TNFSF11: variants seen among roughly 807,000 people sequenced by gnomAD.
The protein encoded by TNFSF11 is TNF superfamily member 11, also known as tumor necrosis factor ligand superfamily member 11.
Under a neutral mutation model 32.2 loss-of-function variants are expected in TNFSF11, and 12 were observed. That is an observed-to-expected ratio of 0.37 (90% CI 0.24 to 0.60). The LOEUF (loss-of-function observed/expected upper bound fraction) is 0.60. TNFSF11 is among the 20% of genes least tolerant of loss of function. The pLI, the probability that TNFSF11 is intolerant of heterozygous loss-of-function variation, is 0.66. For synonymous variants in TNFSF11, 172 were observed against 152.1 expected, an observed-to-expected ratio of 1.13 and a Z score of -0.96; for missense variants, 345 against 398.0, an observed-to-expected ratio of 0.87 and a Z score of 1.13.
chr13:42,604,447 C>T (rs931273), intron 4 of TNFSF11, among the ~76,000 whole-genome samples: 18,873 of 152,194 alleles, frequency 0.12, 1,619 homozygotes, highest in East Asian at 0.29. Flanking sequence ...GTGATGACCC[C>T]GCTGCAGATA....
At chr13:42,605,728 T>A (rs1313428372) in intron 4 of TNFSF11, among the ~76,000 whole-genome samples, 1 of 152,236 alleles carries the variant, frequency 6.6e-6, no homozygotes, top group African/African-American at 2.4e-5. Context: ...TGTGAAGTTG[T>A]TAAGCTAGGG....
intron 2 of TNFSF11, among the ~76,000 whole-genome samples, chr13:42,593,910 C>T (rs2137891055): frequency 6.6e-6 from 1 of 152,256 alleles, no homozygotes; most frequent in East Asian, 1.9e-4. Flanking sequence ...CAAATTCCTT[C>T]TTCTGTGCTC....
rs527547571 is a variant in TNFSF11, at chr13:42,564,078, A to AT, written c.-302+1123dup. Among the ~76,000 whole-genome samples the AT allele has an allele frequency of 4.2e-3, 631 of 151,768 alleles. 15 individuals are homozygous for AT. The highest frequency in any genetic ancestry group is 1.9e-3 in the East Asian group (10 of 5,174). ...CTATTGAATTGGCTTTGAATTCACTATTTTTTTTATTATCCAGTCTGTTAT... is the reference window on the plus strand; with the variant it reads ...CTATTGAATTGGCTTTGAATTCACTATTTTTTTTTATTATCCAGTCTGTTAT... On this transcript the variant is annotated intron_variant, in intron 1 of 6. Coordinates refer to the TNFSF11 transcript ENST00000358545.
chr13:42,567,230 T>C (rs1455039125), intron 2 of TNFSF11, among the ~76,000 whole-genome samples: 1 of 152,180 alleles, frequency 6.6e-6, no homozygotes, highest in African/African-American at 2.4e-5. Flanking sequence ...CCTAATTAAT[T>C]TTTGTATTTC....
At chr13:42,567,731 C>T (rs1158049073) in intron 2 of TNFSF11, among the ~76,000 whole-genome samples, 1 of 152,214 alleles carries the variant, frequency 6.6e-6, no homozygotes, top group Non-Finnish European at 1.5e-5. Flanking sequence ...ATAAGACTGA[C>T]AGAATAGACT....
intron 2 of TNFSF11, among the ~76,000 whole-genome samples, chr13:42,586,314 C>T (rs1873897714): frequency 1.3e-5 from 2 of 152,192 alleles, no homozygotes; most frequent in African/African-American, 2.4e-5. Flanking sequence ...AACAAATGAT[C>T]AATGACTTAT....
At chr13:42,581,031 C>A (rs1873579862) in intron 1 of TNFSF11, 95 bp from the exon 2 acceptor site, 2 of 1,326,304 alleles carry the variant, frequency 1.5e-6, no homozygotes, top group Non-Finnish European at 2.2e-6. Context: ...AAGACTCTTG[C>A]GAGTATGAAT....
At chr13:42,577,576 A>G (rs1374602043) in intron 1 of TNFSF11, among the ~76,000 whole-genome samples, 1 of 152,192 alleles carries the variant, frequency 6.6e-6, no homozygotes, top group African/African-American at 2.4e-5. Context: ...ACATCCATAT[A>G]ACCATATTCA....
At chr13:42,606,473 A>C in intron 4 of TNFSF11, 24 bp from the exon 5 acceptor site, 1 of 1,614,184 alleles carries the variant, frequency 6.2e-7, no homozygotes, top group Non-Finnish European at 8.5e-7. Context: ...TGACTTTCAA[A>C]TCTTATGCCT....
chr13:42,579,881 T>A (rs190794597), intron 1 of TNFSF11, among the ~76,000 whole-genome samples: 6 of 152,278 alleles, frequency 3.9e-5, no homozygotes, highest in Admixed American at 1.3e-4. Flanking sequence ...AGTCCTTATA[T>A]GTGCAAGACT....
intron 2 of TNFSF11, among the ~76,000 whole-genome samples, chr13:42,597,190 C>A (rs939591549): frequency 6.7e-6 from 1 of 149,436 alleles, no homozygotes; most frequent in Non-Finnish European, 1.5e-5. Context: ...GACAGTCATG[C>A]GCTCTCTTTT....
chr13:42,602,877 C>A (rs1869254007), intron 4 of TNFSF11, among the ~76,000 whole-genome samples: 1 of 152,174 alleles, frequency 6.6e-6, no homozygotes, highest in Non-Finnish European at 1.5e-5. Flanking sequence ...TTGGCAATAG[C>A]AAGCATGTTT....
At chr13:42,565,123 G>A (rs1872822918) in intron 1 of TNFSF11, among the ~76,000 whole-genome samples, 2 of 152,102 alleles carry the variant, frequency 1.3e-5, no homozygotes, top group South Asian at 4.1e-4. Context: ...GAAAGGGACT[G>A]TTAATCTTTC....
At chr13:42,596,346 T>A (rs1868808088) in intron 2 of TNFSF11, among the ~76,000 whole-genome samples, 1 of 152,178 alleles carries the variant, frequency 6.6e-6, no homozygotes. Flanking sequence ...CGGCTCCTTT[T>A]TGTCAGATCC....
In TNFSF11 at chr13:42,600,910, T is replaced by G. The variant is rs761277197; in HGVS notation, c.461T>G (p.Leu154Arg). 1 of 1,614,146 alleles carries G rather than the reference T, an allele frequency of 6.2e-7. No homozygotes were observed. ...KAMVDGSWLD[L>R]AKRSKLEAQP... ...ATGGTGGATGGCTCATGGTTAGATC[T>G]GGCCAAGAGGAGCAAGCTTGAAGCT... The change falls in exon 4 of 5, where the codon CTG (leucine) becomes CGG (arginine). Residue 154 changes from leucine (L) to arginine (R), a missense_variant. Physicochemically the swap from Leu to Arg is moderately radical, Grantham distance 102. Around this residue, in one of 2 missense-constraint regions of TNFSF11, gnomAD observed 148 missense variants for 216.0 expected, o/e 0.69. Transcript: ENST00000398795.
At chr13:42,605,693 T>C (rs1321262800) in intron 4 of TNFSF11, among the ~76,000 whole-genome samples, 1 of 152,224 alleles carries the variant, frequency 6.6e-6, no homozygotes, top group African/African-American at 2.4e-5. Context: ...GGAGAAGCTT[T>C]ACAGACCTTT....
At chr13:42,581,085 G>A in intron 1 of TNFSF11, 41 bp from the exon 2 acceptor site, 1 of 1,608,516 alleles carries the variant, frequency 6.2e-7, no homozygotes. Flanking sequence ...AGGATGACTA[G>A]TGATAAGCAC....
At chr13:42,572,313 A>G (rs187557860), upstream of TNFSF11, among the ~76,000 whole-genome samples, 18 of 152,384 alleles carry the variant, frequency 1.2e-4, no homozygotes, top group East Asian at 3.5e-3. Context: ...AAAAACATGT[A>G]TAAAACATTG....
chr13:42,597,105 A>G (rs1312623505), intron 2 of TNFSF11, among the ~76,000 whole-genome samples: 1 of 152,222 alleles, frequency 6.6e-6, no homozygotes, highest in Non-Finnish European at 1.5e-5. Context: ...CATAAATAAC[A>G]ATGGTTTTAG....
Sources: allele counts gnomAD v4.1 joint callset (sites outside exome capture counted in the v4.1 genomes callset), GRCh38; gene constraint gnomAD v4.1.1; regional missense constraint gnomAD v4.1.1; transcripts MANE v1.5; gene names NCBI Gene and HGNC (gene_info 2026-07-23, HGNC 2026-07-21).